The following KCNJ6 variants were observed in gnomAD, a reference collection of about 807,000 sequenced individuals.
KCNJ6 encodes the protein potassium inwardly rectifying channel subfamily J member 6, also known as G protein-activated inward rectifier potassium channel 2.
KCNJ6 carries 9 observed loss-of-function variants against 34.2 expected under a neutral mutation model. The observed-to-expected ratio is 0.26, with a 90% confidence interval of 0.16 to 0.46. KCNJ6 has a LOEUF of 0.46. Ranked by LOEUF, KCNJ6 falls within the 20% of genes least tolerant of loss-of-function variation. The probability of loss-of-function intolerance (pLI) is 1.00; values close to 1 mark genes in which losing one functional copy is unlikely to be tolerated. For synonymous variants in KCNJ6, 196 were observed against 207.1 expected (o/e 0.95, Z 0.46); for missense variants, 236 against 531.3 (o/e 0.44, Z 5.46).
intron 2 of KCNJ6, among the ~76,000 whole-genome samples, chr21:37,798,660 C>G (rs751031934): frequency 5.9e-5 from 9 of 152,126 alleles, no homozygotes; most frequent in Non-Finnish European, 1.2e-4. Flanking sequence ...TGAAACAAGC[C>G]AGATAGGAAA....
chr21:37,808,301 C>T (rs1267921751), intron 2 of KCNJ6, among the ~76,000 whole-genome samples: 1 of 152,178 alleles, frequency 6.6e-6, no homozygotes, highest in Non-Finnish European at 1.5e-5. Flanking sequence ...TGGTCCTGGG[C>T]TATCAAGTTA....
intron 2 of KCNJ6, among the ~76,000 whole-genome samples, chr21:37,782,188 A>C (rs562684387): frequency 1.3e-5 from 2 of 152,260 alleles, no homozygotes; most frequent in Non-Finnish European, 2.9e-5. Flanking sequence ...TGAGCCAAGG[A>C]GTGCAAGTAG....
intron 2 of KCNJ6, among the ~76,000 whole-genome samples, chr21:37,828,783 C>T (rs2055411105): frequency 6.6e-6 from 1 of 152,190 alleles, no homozygotes; most frequent in African/African-American, 2.4e-5. Context: ...CTCAGCGCTT[C>T]CTAAACATGC....
intron 3 of KCNJ6, among the ~76,000 whole-genome samples, chr21:37,644,908 C>A (rs2054396723): frequency 6.6e-6 from 1 of 151,798 alleles, no homozygotes; most frequent in Admixed American, 6.6e-5. Flanking sequence ...TCCCTCCTCA[C>A]CTCCGCATCC....
chr21:37,760,268 T>C (rs537082625), intron 2 of KCNJ6, among the ~76,000 whole-genome samples: 8 of 152,312 alleles, frequency 5.3e-5, no homozygotes, highest in Admixed American at 1.3e-4. Context: ...CAATGGAGGA[T>C]TAATATAAAT....
chr21:37,724,281 A>G (rs888926549), intron 2 of KCNJ6, among the ~76,000 whole-genome samples: 4 of 152,208 alleles, frequency 2.6e-5, no homozygotes, highest in African/African-American at 9.7e-5. Context: ...TGCTTAGTCA[A>G]TGTGTTGCTT....
intron 1 of KCNJ6, among the ~76,000 whole-genome samples, chr21:37,891,980 TAAG>T (rs927890718): frequency 6.6e-5 from 10 of 152,268 alleles, no homozygotes; most frequent in African/African-American, 1.7e-4. Flanking sequence ...TTCTTGGCAA[TAAG>T]AAGACAAAGA....
intron 2 of KCNJ6, among the ~76,000 whole-genome samples, chr21:37,769,843 C>T (rs9305623): frequency 0.62 from 93,675 of 151,946 alleles, 29,626 homozygotes; most frequent in African/African-American, 0.75. Context: ...CTTCATGCAG[C>T]GTTAAGCCCT....
At chr21:37,912,049 T>C (rs2055869414) in intron 1 of KCNJ6, among the ~76,000 whole-genome samples, 1 of 152,188 alleles carries the variant, frequency 6.6e-6, no homozygotes, top group Non-Finnish European at 1.5e-5. Flanking sequence ...TCCTATGTAT[T>C]AAATAAAGAC....
chr21:37,636,847 A>G (rs2123373073), intron 3 of KCNJ6, among the ~76,000 whole-genome samples: 1 of 152,354 alleles, frequency 6.6e-6, no homozygotes, highest in Middle Eastern at 3.4e-3. Flanking sequence ...ACAAAGCCAG[A>G]GGTATAGTCA....
intron 2 of KCNJ6, among the ~76,000 whole-genome samples, chr21:37,811,276 T>C (rs2055321303): frequency 6.6e-6 from 1 of 152,182 alleles, no homozygotes; most frequent in African/African-American, 2.4e-5. Flanking sequence ...ATAATATCCT[T>C]TATAACAAGC....
rs557015031 is a variant in KCNJ6 at position 37,686,624 on chromosome 21, T to A, written c.946+27587A>T. Among the ~76,000 whole-genome samples, 6 of 152,042 alleles carry A rather than the reference T, an allele frequency of 3.9e-5. No individual in the cohort carries two copies. The East Asian group carries it at 1.2e-3, about 29-fold the overall frequency. ...CTGGGATTACAGGCACCCACCATCA[T>A]GCCTGGCTAATTTTTGTATTTTTGT... On this transcript the variant is annotated intron_variant, in intron 3 of 3. Transcript: ENST00000609713.
chr21:37,747,135 G>A (rs577581808), intron 2 of KCNJ6, among the ~76,000 whole-genome samples: 7 of 152,314 alleles, frequency 4.6e-5, no homozygotes, highest in Non-Finnish European at 8.8e-5. Context: ...AGGAAAAGAC[G>A]CCCTGCCAGG....
At chr21:37,893,788 T>C (rs1050390669) in intron 1 of KCNJ6, among the ~76,000 whole-genome samples, 1 of 152,226 alleles carries the variant, frequency 6.6e-6, no homozygotes, top group Non-Finnish European at 1.5e-5. Context: ...TTTAAAAAGA[T>C]TGAGAAAGGT....
chr21:37,761,259 T>A (rs1224102784), intron 2 of KCNJ6, among the ~76,000 whole-genome samples: 1 of 150,354 alleles, frequency 6.7e-6, no homozygotes, highest in African/African-American at 2.5e-5. Context: ...ATGTGGTATA[T>A]GTGTGTTGTG....
intron 1 of KCNJ6, among the ~76,000 whole-genome samples, chr21:37,880,398 G>A (rs3787862): frequency 0.28 from 42,497 of 152,166 alleles, 7,803 homozygotes; most frequent in African/African-American, 0.53. Context: ...TCAGACTCTC[G>A]CATCTACAAA....
Position 37,607,482 on chromosome 21 carries a change from A to ATATAT in KCNJ6, c.*17676_*17677insATATA. 872 of 136,752 alleles carry ATATAT rather than the reference A, an allele frequency of 6.4e-3. 10 individuals carry two copies. The highest frequency in any genetic ancestry group is 0.022 in the African/African-American group (816 of 36,468). 8.5% of individuals were successfully genotyped at this position (136,752 alleles called of 1,614,324 possible). A position where few individuals can be genotyped will look rare whatever the true frequency, so the allele number is the denominator to read the frequency against. On this transcript the variant is annotated 3_prime_UTR_variant, in exon 4 of 4. Coordinates refer to ENST00000609713, the MANE Select transcript of KCNJ6 (RefSeq NM_002240.5). ...CTTAAAGATATATATATATATATAT[A>ATATAT]TTTTTTTTTTATTTTAAAAAAATTT...
At chr21:37,742,802 G>T (rs545467140) in intron 2 of KCNJ6, among the ~76,000 whole-genome samples, 3 of 152,298 alleles carry the variant, frequency 2.0e-5, no homozygotes, top group African/African-American at 7.2e-5. Flanking sequence ...AAATTGTTCA[G>T]TGGTTGCTCA....
intron 2 of KCNJ6, among the ~76,000 whole-genome samples, chr21:37,762,804 C>T (rs970490000): frequency 6.6e-6 from 1 of 152,182 alleles, no homozygotes; most frequent in East Asian, 1.9e-4. Flanking sequence ...ATTCCAGTGC[C>T]TGAGCCCCAC....
Sources: allele counts gnomAD v4.1 joint callset (sites outside exome capture counted in the v4.1 genomes callset), GRCh38; gene constraint gnomAD v4.1.1; transcripts MANE v1.5; gene names NCBI Gene and HGNC (gene_info 2026-07-23, HGNC 2026-07-21).